The following CNMD variants were observed in gnomAD, a reference collection of about 807,000 sequenced individuals.
CNMD encodes chondromodulin, also known as leukocyte cell-derived chemotaxin 1.
A neutral mutation model predicts 37.5 loss-of-function variants in CNMD; 30 were observed. The observed-to-expected ratio is 0.80, with a 90% CI of 0.60 to 1.09. The LOEUF is 1.09. CNMD is among the 50% of genes least tolerant of loss of function. CNMD has a pLI of 0.00. For missense variants in CNMD, 398 were observed against 423.9 expected, an observed-to-expected ratio of 0.94 and a Z score of 0.54; for synonymous variants, 167 against 148.2, an observed-to-expected ratio of 1.13 and a Z score of -0.92.
At chr13:52,718,657 T>A (rs1471795309) in intron 4 of CNMD, among the ~76,000 whole-genome samples, 1 of 152,204 alleles carries the variant, frequency 6.6e-6, no homozygotes, top group African/African-American at 2.4e-5. Flanking sequence ...CAGTTTTGAG[T>A]GAGTTTCTTA....
intron 5 of CNMD, among the ~76,000 whole-genome samples, chr13:52,712,029 C>G (rs956192212): frequency 6.6e-5 from 10 of 152,098 alleles, no homozygotes; most frequent in African/African-American, 2.4e-4. Context: ...CACATTTGAA[C>G]CAGAGCTACA....
rs569751880 is a variant in CNMD, at chr13:52,725,292, TTC to T, written c.355-1184_355-1183del. ...CTTTTTTGGTGACCCCACAAAGCTA[TTC>T]AAAAGATGTTGGTCAAATTAATTAA... On this transcript the variant is annotated intron_variant, in intron 3 of 6. Transcript: ENST00000377962. Among the ~76,000 whole-genome samples the T allele has an allele frequency of 4.6e-5, 7 of 152,334 alleles. No individual in the cohort carries two copies. The East Asian group carries it at 1.3e-3, about 29-fold the overall frequency.
At position 52,708,532 on chromosome 13, in the gene CNMD, G is replaced by T. The variant is rs552391282; in HGVS notation, c.789+4C>A. 1 of 1,603,388 alleles carries T rather than the reference G, an allele frequency of 6.2e-7. No individual in the cohort carries two copies. The highest frequency in any genetic ancestry group is 2.2e-5 in the East Asian group (1 of 44,702). On this transcript the variant is annotated splice_donor_region_variant and intron_variant, in intron 6 of 6. Transcript: ENST00000377962. ...TAATCATGTCAAAAAGCACCGGAAC[G>T]CACATGATAAGGATTATCAGGATTG...
chr13:52,726,909 A>G (rs952792632), intron 3 of CNMD, among the ~76,000 whole-genome samples: 2 of 152,202 alleles, frequency 1.3e-5, no homozygotes, highest in Admixed American at 1.3e-4. Context: ...TATGAAAAAG[A>G]ACGAAATAGA....
chr13:52,728,650 T>C (rs1040348748), intron 3 of CNMD, among the ~76,000 whole-genome samples: 2 of 152,186 alleles, frequency 1.3e-5, no homozygotes, highest in Non-Finnish European at 2.9e-5. Context: ...TGCCTTCTTA[T>C]GTGACATTTT....
chr13:52,722,788 T>C (rs1964505084), intron 4 of CNMD, among the ~76,000 whole-genome samples: 1 of 152,148 alleles, frequency 6.6e-6, no homozygotes, highest in South Asian at 2.1e-4. Context: ...TTATTAATAA[T>C]AAATGAAAGA....
chr13:52,735,599 G>A (rs1248487930), intron 2 of CNMD, among the ~76,000 whole-genome samples: 8 of 151,612 alleles, frequency 5.3e-5, no homozygotes, highest in Non-Finnish European at 8.8e-5. Context: ...GCTTCCCTGG[G>A]CCACAATGGA....
intron 2 of CNMD, among the ~76,000 whole-genome samples, chr13:52,735,829 T>A (rs1964749653): frequency 1.5e-5 from 1 of 66,286 alleles, no homozygotes; most frequent in Non-Finnish European, 3.9e-5. Context: ...CGGCCCACCT[T>A]TTTTTTTTTT....
chr13:52,726,676 A>G (rs1387750334), intron 3 of CNMD, among the ~76,000 whole-genome samples: 6 of 152,208 alleles, frequency 3.9e-5, no homozygotes, highest in African/African-American at 1.4e-4. Flanking sequence ...ACAAGGACAC[A>G]GGAAGCATGA....
intron 3 of CNMD, among the ~76,000 whole-genome samples, chr13:52,726,715 G>A (rs1964579989): frequency 6.6e-6 from 1 of 151,846 alleles, no homozygotes; most frequent in Non-Finnish European, 1.5e-5. Flanking sequence ...CACTCCCAGA[G>A]GAATACAATA....
At chr13:52,726,848 CAGAA>C (rs1964581946) in intron 3 of CNMD, among the ~76,000 whole-genome samples, 1 of 151,866 alleles carries the variant, frequency 6.6e-6, no homozygotes, top group African/African-American at 2.4e-5. Context: ...ACAAAGAAAT[CAGAA>C]AGACAATTTA....
chr13:52,724,537 G>A (rs1008925250), intron 3 of CNMD, among the ~76,000 whole-genome samples: 5 of 152,008 alleles, frequency 3.3e-5, no homozygotes, highest in African/African-American at 9.7e-5. Flanking sequence ...CTTGCAGTGA[G>A]CCAAGATTGC....
At chr13:52,707,945 T>TAA (rs1244930735) in intron 6 of CNMD, among the ~76,000 whole-genome samples, 1 of 143,304 alleles carries the variant, frequency 7.0e-6, no homozygotes, top group Admixed American at 7.0e-5. Context: ...CTGTCTCTAC[T>TAA]AAAAAAAAAA....
At chr13:52,733,554 T>C in intron 2 of CNMD, 195 bp from the exon 3 acceptor site, 2 of 674,678 alleles carry the variant, frequency 3.0e-6, no homozygotes, top group Non-Finnish European at 5.4e-6. Context: ...TAAAAATACC[T>C]TAAGAGTAAA....
Position 52,703,762 on chromosome 13 carries a change from C to A in CNMD, c.838G>T (p.Gly280Ter). ...MTFDPRLDHEGICCIECRRSY... is the reference protein window; with the variant it reads ...MTFDPRLDHE The stretch of plus-strand genomic sequence containing the variant: ...CGCCTACATTCTATACAACAGATTC[C>A]TTCGTGATCCAGTCTAGGGTCGAAT... Residue 280 changes from glycine to a stop codon, truncating the protein, a stop_gained, in exon 7 of 7, where the codon GGA becomes TGA. Transcript: ENST00000377962. LOFTEE classifies it high-confidence loss of function. 6.2e-7 allele frequency: 1 copy of A among 1,614,034 alleles called. No homozygotes were observed. Among genetic ancestry groups the A allele is most frequent in the Non-Finnish European group, 8.5e-7 (1 of 1,179,912 alleles).
chr13:52,734,471 G>C (rs144109022), intron 2 of CNMD, among the ~76,000 whole-genome samples: 5 of 152,214 alleles, frequency 3.3e-5, no homozygotes, highest in African/African-American at 1.2e-4. Flanking sequence ...TCAGACACCT[G>C]ATTACTGCAC....
intron 5 of CNMD, among the ~76,000 whole-genome samples, chr13:52,711,384 C>T (rs886293876): frequency 2.0e-5 from 3 of 152,210 alleles, no homozygotes; most frequent in African/African-American, 7.2e-5. Flanking sequence ...TGAGTTGTGA[C>T]CACCCATAGG....
intron 4 of CNMD, among the ~76,000 whole-genome samples, chr13:52,721,390 C>CCA (rs564147606): frequency 6.6e-4 from 100 of 152,322 alleles, no homozygotes; most frequent in South Asian, 2.9e-3. Context: ...TCCCAAATGG[C>CCA]CACCCAGTTG....
chr13:52,738,899 G>C, intron 2 of CNMD, 132 bp downstream of exon 2: 1 of 743,334 alleles, frequency 1.3e-6, no homozygotes. Context: ...GAGTGGGATG[G>C]GAGAGGGGAG....
Sources: allele counts gnomAD v4.1 joint callset (sites outside exome capture counted in the v4.1 genomes callset), GRCh38; gene constraint gnomAD v4.1.1; transcripts MANE v1.5; gene names NCBI Gene and HGNC (gene_info 2026-07-23, HGNC 2026-07-21).